Variants in DNAH8 observed in about 807,000 individuals in gnomAD.
DNAH8 encodes dynein axonemal heavy chain 8.
A neutral mutation model predicts 562.1 loss-of-function variants in DNAH8; 382 were observed. The ratio of observed to expected loss-of-function variants is 0.68; its 90% confidence interval spans 0.63 to 0.74. The LOEUF (loss-of-function observed/expected upper bound fraction) is 0.74, where lower values mean the gene tolerates loss of function less well. DNAH8 is among the 30% of genes least tolerant of loss of function. DNAH8 has a pLI of 0.00. For synonymous variants in DNAH8, 1,881 were observed against 1,919.4 expected, an observed-to-expected ratio of 0.98 and a Z score of 0.52; for missense variants, 5,203 against 5,620.4, an observed-to-expected ratio of 0.93 and a Z score of 2.37.
Position 38,886,783 on chromosome 6 carries a change from A to C in DNAH8, c.8260-8A>C, listed in dbSNP as rs1394531011. On this transcript the variant is annotated splice_region_variant and splice_polypyrimidine_tract_variant and intron_variant, in intron 56 of 92. Transcript: ENST00000327475. Reference sequence around the variant, plus strand: ...ATGTTACAAAAATATTGCTGTGTGAAATTTCAGATAACTAATGAGATTGTG... The same window carrying C: ...ATGTTACAAAAATATTGCTGTGTGACATTTCAGATAACTAATGAGATTGTG... 1 of 1,611,198 alleles carries C rather than the reference A, an allele frequency of 6.2e-7. No homozygotes were observed. Among genetic ancestry groups the C allele is most frequent in the Non-Finnish European group, 8.5e-7 (1 of 1,177,646 alleles).
chr6:38,928,966 G>A (rs1174036600), intron 74 of DNAH8, among the ~76,000 whole-genome samples: 3 of 152,272 alleles, frequency 2.0e-5, no homozygotes, highest in South Asian at 2.1e-4. Flanking sequence ...CATATATAAA[G>A]TGAATGTCTA....
intron 82 of DNAH8, among the ~76,000 whole-genome samples, chr6:38,961,567 T>C (rs913299973): frequency 6.6e-6 from 1 of 151,976 alleles, no homozygotes. Flanking sequence ...AGAAATCTCA[T>C]CACAACAATA....
intron 92 of DNAH8, among the ~76,000 whole-genome samples, 164 bp downstream of exon 92, chr6:39,026,831 C>T (rs1311943232): frequency 6.6e-6 from 1 of 152,232 alleles, no homozygotes; most frequent in Non-Finnish European, 1.5e-5. Flanking sequence ...CCTCCCCCAT[C>T]TGCCAGAGTG....
At position 38,864,011 on chromosome 6, in the gene DNAH8, A is replaced by G. The variant is rs1022918229; in HGVS notation, c.6449A>G (p.Asp2150Gly). Residue 2150 changes from aspartate to glycine, a missense_variant, in exon 45 of 93, where the codon GAT (aspartate) becomes GGT (glycine). Asp to Gly is a moderately conservative substitution (Grantham distance 94, BLOSUM62 -1). Coordinates refer to ENST00000327475, the MANE Select transcript of DNAH8 (RefSeq NM_001206927.2). Reference protein sequence around the residue: ...KERKKQFIFSDGDCVDLNPEF... With the variant: ...KERKKQFIFSGGDCVDLNPEF... ...AGAAAGAAACAGTTCATTTTTTCTG[A>G]TGGTGATTGTGTTGATTTAAATCCA... The G allele has an allele frequency of 1.2e-6, 2 of 1,609,808 alleles. No individual in the cohort carries two copies. Among genetic ancestry groups the G allele is most frequent in the African/African-American group, 1.3e-5 (1 of 74,746 alleles).
intron 45 of DNAH8, among the ~76,000 whole-genome samples, chr6:38,865,910 A>G (rs1430993627): frequency 6.6e-6 from 1 of 152,198 alleles, no homozygotes; most frequent in Non-Finnish European, 1.5e-5. Flanking sequence ...CTTGCCTAAA[A>G]TAACTCATTC....
chr6:39,010,765 T>TTATA (rs376519676), intron 89 of DNAH8, among the ~76,000 whole-genome samples: 8 of 142,110 alleles, frequency 5.6e-5, no homozygotes, highest in African/African-American at 1.8e-4. Context: ...TAGATATAAT[T>TTATA]TATATATATA....
intron 76 of DNAH8, among the ~76,000 whole-genome samples, chr6:38,935,139 A>G (rs962437819): frequency 6.6e-6 from 1 of 152,248 alleles, no homozygotes; most frequent in African/African-American, 2.4e-5. Flanking sequence ...TCCCATAGGA[A>G]CCAGGCCAAG....
chr6:38,908,655 C>T (rs562593860), intron 64 of DNAH8, among the ~76,000 whole-genome samples: 1 of 152,274 alleles, frequency 6.6e-6, no homozygotes, highest in South Asian at 2.1e-4. Flanking sequence ...CAGGCTCAAG[C>T]CATCCTCTCA....
At chr6:38,930,825 C>T (rs1338348801) in intron 75 of DNAH8, among the ~76,000 whole-genome samples, 2 of 152,130 alleles carry the variant, frequency 1.3e-5, no homozygotes, top group Non-Finnish European at 2.9e-5. Flanking sequence ...ACACATCCAT[C>T]ACCACACATG....
In DNAH8 at chr6:38,931,954, G is replaced by T. The variant is rs1782580900; in HGVS notation, c.11418G>T (p.Glu3806Asp). The change falls in exon 76 of 93, where the codon GAG becomes GAT. Residue 3806 changes from glutamate to aspartate, a missense_variant. By Grantham distance (45) the Glu-to-Asp change is conservative. Around this residue, in one of 6 missense-constraint regions of DNAH8, gnomAD observed 1,399 missense variants for 1,518.4 expected, o/e 0.92. Coordinates refer to ENST00000327475, the MANE Select transcript of DNAH8 (RefSeq NM_001206927.2). Reference protein sequence around the residue: ...IDFTVTMKGLENQLLRRVILT... With the variant: ...IDFTVTMKGLDNQLLRRVILT... ...TCACTGTTACAATGAAAGGACTTGA[G>T]AATCAGTTACTAAGGAGAGTCATTC... The T allele has an allele frequency of 6.2e-7, 1 of 1,608,024 alleles. No individual in the cohort carries two copies.
Position 38,908,090 on chromosome 6 carries a change from G to T in DNAH8, c.9483G>T (p.Lys3161Asn). ...LYEYFISRSR[K>N]NLHVVLCFSP... The stretch of plus-strand genomic sequence containing the variant: ...AATACTTCATTTCAAGATCAAGGAA[G>T]AACTTACATGTTGTTCTCTGCTTTT... Residue 3161 changes from lysine to asparagine, a missense_variant, in exon 64 of 93, where the codon AAG (lysine) becomes AAT (asparagine). By Grantham distance (94) the Lys-to-Asn change is moderately conservative. Transcript: ENST00000327475. The T allele has an allele frequency of 1.3e-6, 2 of 1,593,456 alleles. No homozygotes were observed. The highest frequency in any genetic ancestry group is 1.1e-5 in the South Asian group (1 of 87,188).
chr6:38,865,711 C>T (rs1404507451), intron 45 of DNAH8, among the ~76,000 whole-genome samples: 1 of 152,182 alleles, frequency 6.6e-6, no homozygotes, highest in Admixed American at 6.5e-5. Flanking sequence ...AGCTGCAAGG[C>T]AGGCTGGGAA....
chr6:38,778,288 T>G, intron 13 of DNAH8, 100 bp from the exon 14 acceptor site: 1 of 627,450 alleles, frequency 1.6e-6, no homozygotes, highest in Non-Finnish European at 2.8e-6. Flanking sequence ...GTTTGAGGCT[T>G]GAGGCTATCT....
At chr6:38,721,710 C>T (rs943280469) in intron 1 of DNAH8, among the ~76,000 whole-genome samples, 9 of 152,098 alleles carry the variant, frequency 5.9e-5, no homozygotes, top group Admixed American at 1.3e-4. Flanking sequence ...ATCAAACAAA[C>T]AATTATAGCT....
intron 26 of DNAH8, among the ~76,000 whole-genome samples, chr6:38,817,865 T>C (rs973297017): frequency 3.3e-5 from 5 of 152,146 alleles, no homozygotes; most frequent in Admixed American, 3.3e-4. Flanking sequence ...CTGATCATGA[T>C]CTTGAAAGAC....
intron 91 of DNAH8, among the ~76,000 whole-genome samples, chr6:39,022,439 G>A (rs886536191): frequency 1.3e-5 from 2 of 152,202 alleles, no homozygotes; most frequent in Non-Finnish European, 1.5e-5. Context: ...GGAGCTGGGG[G>A]GTCCAGGCTT....
Position 38,899,795 on chromosome 6 carries a change from C to T in DNAH8, c.9083C>T (p.Thr3028Met), listed in dbSNP as rs568885985. Reference protein sequence around the residue: ...HLIKISRIIRTSCGNALLVGV... With the variant: ...HLIKISRIIRMSCGNALLVGV... ...AAACAGATTTCACGAATAATTCGAA[C>T]GTCGTGTGGAAATGCATTGCTGGTG... Residue 3028 changes from threonine to methionine, a missense_variant, in exon 62 of 93, where the codon ACG becomes ATG. Transcript: ENST00000327475. 34 of 1,613,394 alleles carry T rather than the reference C, an allele frequency of 2.1e-5. No homozygotes were observed. Among genetic ancestry groups the T allele is most frequent in the East Asian group, 4.5e-5 (2 of 44,818 alleles).
chr6:38,944,128 T>A (rs1382823821), intron 79 of DNAH8, among the ~76,000 whole-genome samples: 2 of 147,814 alleles, frequency 1.4e-5, no homozygotes, highest in African/African-American at 2.5e-5. Context: ...GGGGTGAGTT[T>A]GTCTCTGTGC....
At chr6:38,794,182 C>A (rs140902608) in intron 21 of DNAH8, among the ~76,000 whole-genome samples, 1 of 151,912 alleles carries the variant, frequency 6.6e-6, no homozygotes, top group East Asian at 1.9e-4. Context: ...ACCAAGGTAG[C>A]TGACTTTCCT....
Sources: allele counts gnomAD v4.1 joint callset (sites outside exome capture counted in the v4.1 genomes callset), GRCh38; gene constraint gnomAD v4.1.1; regional missense constraint gnomAD v4.1.1; transcripts MANE v1.5; gene names NCBI Gene and HGNC (gene_info 2026-07-23, HGNC 2026-07-21).